CSMD1: variants seen among roughly 807,000 people sequenced by gnomAD.
The protein encoded by CSMD1 is CUB and sushi domain-containing protein 1.
CSMD1 carries 213 observed loss-of-function variants against 417.5 expected under a neutral mutation model. The observed-to-expected ratio is 0.51, with a 90% CI of 0.46 to 0.57. The LOEUF is 0.57. CSMD1 is among the 20% of genes least tolerant of loss of function. The pLI is 0.00. For missense variants in CSMD1, 6,923 were observed against 4,529.7 expected (o/e 1.53, Z -15.17); for synonymous variants, 2,862 against 1,736.8 (o/e 1.65, Z -16.11).
chr8:3,510,522 G>T (rs1256013794), intron 10 of CSMD1, among the ~76,000 whole-genome samples: 3 of 151,722 alleles, frequency 2.0e-5, no homozygotes, highest in African/African-American at 7.3e-5. Flanking sequence ...AATCTTAGAA[G>T]GTCTTTAAAG....
intron 3 of CSMD1, among the ~76,000 whole-genome samples, chr8:4,403,075 C>G (rs1355483054): frequency 6.6e-6 from 1 of 151,910 alleles, no homozygotes; most frequent in Non-Finnish European, 1.5e-5. Context: ...TCGTGATCCG[C>G]TCGCCTCAGC....
At chr8:3,030,197 G>A (rs1009008324) in intron 50 of CSMD1, among the ~76,000 whole-genome samples, 1 of 151,976 alleles carries the variant, frequency 6.6e-6, no homozygotes, top group Non-Finnish European at 1.5e-5. Context: ...TATTACCAGG[G>A]TGGACTTCAA....
intron 1 of CSMD1, among the ~76,000 whole-genome samples, chr8:4,960,632 C>T (rs1809413175): frequency 6.6e-6 from 1 of 152,120 alleles, no homozygotes; most frequent in South Asian, 2.1e-4. Flanking sequence ...TGCATCCATA[C>T]ATCCATATAT....
intron 2 of CSMD1, among the ~76,000 whole-genome samples, chr8:4,436,092 C>G (rs1019058453): frequency 6.6e-6 from 1 of 152,132 alleles, no homozygotes; most frequent in African/African-American, 2.4e-5. Context: ...ATAAAACCAA[C>G]ATGTCCAACT....
At chr8:3,487,131 T>C (rs752843928) in intron 11 of CSMD1, among the ~76,000 whole-genome samples, 1 of 152,206 alleles carries the variant, frequency 6.6e-6, no homozygotes, top group Non-Finnish European at 1.5e-5. Flanking sequence ...TATACAGAAA[T>C]GACTTGGTTA....
At chr8:4,298,191 G>C (rs191378398) in intron 3 of CSMD1, among the ~76,000 whole-genome samples, 3 of 152,144 alleles carry the variant, frequency 2.0e-5, no homozygotes, top group Non-Finnish European at 2.9e-5. Context: ...ATCTGCCTTA[G>C]TTAAATGAAG....
intron 45 of CSMD1, 191 bp from the exon 46 acceptor site, chr8:3,106,832 T>C: frequency 2.1e-6 from 1 of 475,126 alleles, no homozygotes; most frequent in Admixed American, 3.8e-5. Context: ...AATGCTCTAT[T>C]AAGCTTAGCC....
chr8:4,320,450 C>T (rs375944586), intron 3 of CSMD1, among the ~76,000 whole-genome samples: 1 of 151,924 alleles, frequency 6.6e-6, no homozygotes, highest in African/African-American at 2.4e-5. Context: ...TGATGGTTTT[C>T]TGCACCTATC....
chr8:4,626,235 C>T (rs1477511775), intron 2 of CSMD1, among the ~76,000 whole-genome samples: 3 of 152,126 alleles, frequency 2.0e-5, no homozygotes, highest in Non-Finnish European at 4.4e-5. Context: ...CTGCATGAAG[C>T]AATCCCTTGT....
intron 3 of CSMD1, among the ~76,000 whole-genome samples, chr8:4,042,526 C>G (rs1017165629): frequency 1.3e-5 from 2 of 151,712 alleles, no homozygotes; most frequent in Non-Finnish European, 2.9e-5. Flanking sequence ...ACTAGCAGGC[C>G]CATACCACAA....
At chr8:3,532,314 A>G (rs2117514960) in intron 10 of CSMD1, among the ~76,000 whole-genome samples, 1 of 152,312 alleles carries the variant, frequency 6.6e-6, no homozygotes. Flanking sequence ...CTTCTGGGAC[A>G]TCAGCCAGGG....
chr8:4,171,101 T>C (rs1258041617), intron 3 of CSMD1, among the ~76,000 whole-genome samples: 1 of 151,878 alleles, frequency 6.6e-6, no homozygotes, highest in East Asian at 1.9e-4. Context: ...CCAGCTGTAC[T>C]ACCTGCCCTT....
chr8:2,945,508 G>C (rs1015169027), intron 68 of CSMD1, among the ~76,000 whole-genome samples: 1 of 152,140 alleles, frequency 6.6e-6, no homozygotes, highest in East Asian at 1.9e-4. Context: ...AGCAGGAGTC[G>C]ACATTACATA....
intron 1 of CSMD1, among the ~76,000 whole-genome samples, chr8:4,950,131 A>G (rs1272751875): frequency 6.6e-6 from 1 of 152,170 alleles, no homozygotes; most frequent in East Asian, 1.9e-4. Flanking sequence ...AGATTTTAAT[A>G]TATGTCTATG....
intron 1 of CSMD1, among the ~76,000 whole-genome samples, chr8:4,770,517 AG>A (rs1038977453): frequency 9.2e-5 from 14 of 151,832 alleles, no homozygotes; most frequent in South Asian, 2.1e-4. Flanking sequence ...AGCAATTCTG[AG>A]AAAAAAATCA....
intron 1 of CSMD1, among the ~76,000 whole-genome samples, chr8:4,890,244 A>C (rs550456495): frequency 1.3e-5 from 2 of 152,160 alleles, no homozygotes; most frequent in Admixed American, 1.3e-4. Context: ...CTGAAGCAGC[A>C]CGATAGAGTG....
chr8:4,218,440 G>T (rs1430839150), intron 3 of CSMD1, among the ~76,000 whole-genome samples: 2 of 151,970 alleles, frequency 1.3e-5, no homozygotes, highest in African/African-American at 2.4e-5. Context: ...CTTTTATTCT[G>T]CCATGCTTCA....
intron 1 of CSMD1, among the ~76,000 whole-genome samples, chr8:4,842,135 G>A (rs557865059): frequency 2.6e-5 from 4 of 152,234 alleles, no homozygotes; most frequent in South Asian, 2.1e-4. Flanking sequence ...CAGCCAAACC[G>A]CCTTAGAACT....
rs144881291 is a variant in CSMD1 at position 4,581,215 on chromosome 8, G to T, written c.302+56127C>A. Among the ~76,000 whole-genome samples the T allele has an allele frequency of 8.2e-3, 1,246 of 152,274 alleles. 11 individuals are homozygous for T. The highest frequency in any genetic ancestry group is 0.013 in the Non-Finnish European group (873 of 68,008). ...TTGTTGATAAAACTAATTTGGCAAT[G>T]AAAAGAATGTTTCATATAAAATTAA... On this transcript the variant is annotated intron_variant, in intron 2 of 69. Transcript: ENST00000635120.
Sources: allele counts gnomAD v4.1 joint callset (sites outside exome capture counted in the v4.1 genomes callset), GRCh38; gene constraint gnomAD v4.1.1; transcripts MANE v1.5; gene names NCBI Gene and HGNC (gene_info 2026-07-23, HGNC 2026-07-21).